The following KCNIP4 variants were observed in gnomAD, a reference collection of about 807,000 sequenced individuals.
KCNIP4 encodes the protein potassium voltage-gated channel interacting protein 4.
KCNIP4 carries 12 observed loss-of-function variants against 34.0 expected under a neutral mutation model. The observed-to-expected ratio is 0.35, with a 90% CI of 0.23 to 0.57. The LOEUF (loss-of-function observed/expected upper bound fraction) is 0.57. Among genes scored for constraint, KCNIP4 ranks in the 20% least tolerant of loss-of-function variants. The pLI is 0.83. For synonymous variants in KCNIP4, 124 were observed against 102.2 expected (o/e 1.21, Z -1.29); for missense variants, 238 against 311.7 (o/e 0.76, Z 1.78).
chr4:21,131,425 C>T (rs1284981712), intron 1 of KCNIP4, among the ~76,000 whole-genome samples: 2 of 152,020 alleles, frequency 1.3e-5, no homozygotes, highest in South Asian at 2.1e-4. Context: ...CTGGCTAACA[C>T]GGTGAAACCC....
chr4:21,329,948 T>C lies in KCNIP4; in HGVS notation c.62-447239A>G, dbSNP rs138130752. Among the ~76,000 whole-genome samples the C allele has an allele frequency of 6.5e-3, 985 of 152,280 alleles. 13 individuals carry two copies. Among genetic ancestry groups the C allele is most frequent in the African/African-American group, 0.023 (944 of 41,572 alleles). On this transcript the variant is annotated intron_variant, in intron 1 of 8. Transcript: ENST00000382152. ...AATTGAGATGAGCTCAAGGCCTCCT[T>C]AAGTAGAATCTTAACATGGCAACTA... is the stretch of plus-strand genomic sequence containing the variant.
intron 1 of KCNIP4, among the ~76,000 whole-genome samples, chr4:21,191,403 T>G (rs1214727824): frequency 2.6e-5 from 4 of 152,246 alleles, no homozygotes; most frequent in Admixed American, 2.6e-4. Context: ...TATAGTTTAA[T>G]GACGGAAGAT....
chr4:20,759,221 A>C (rs978657420), intron 3 of KCNIP4, among the ~76,000 whole-genome samples: 2 of 152,168 alleles, frequency 1.3e-5, no homozygotes, highest in Non-Finnish European at 2.9e-5. Context: ...AGCATGTTGC[A>C]AGATGTTTAT....
chr4:21,514,522 C>T (rs768395633), intron 1 of KCNIP4, among the ~76,000 whole-genome samples: 1 of 152,102 alleles, frequency 6.6e-6, no homozygotes, highest in East Asian at 1.9e-4. Context: ...CCAACAAAAA[C>T]AGCCCTAATG....
chr4:21,197,798 G>A (rs1227071718), intron 1 of KCNIP4, among the ~76,000 whole-genome samples: 2 of 151,990 alleles, frequency 1.3e-5, no homozygotes. Context: ...AATAATCTAT[G>A]TTTTTCTGAG....
intron 1 of KCNIP4, among the ~76,000 whole-genome samples, chr4:20,911,472 T>C (rs762692820): frequency 6.6e-6 from 1 of 152,196 alleles, no homozygotes; most frequent in Non-Finnish European, 1.5e-5. Flanking sequence ...TGAGATGGGT[T>C]AAATTAATTT....
At chr4:21,373,734 T>C in intron 1 of KCNIP4, among the ~76,000 whole-genome samples, 1 of 147,194 alleles carries the variant, frequency 6.8e-6, no homozygotes, top group Non-Finnish European at 1.5e-5. Context: ...TGATGGAGTT[T>C]CACTCTTGTT....
chr4:21,843,666 T>C (rs964951344), intron 1 of KCNIP4: 7 of 151,988 alleles, frequency 4.6e-5, no homozygotes, highest in African/African-American at 1.7e-4. Context: ...TCACACTCCA[T>C]TTTTCCAATC....
intron 1 of KCNIP4, among the ~76,000 whole-genome samples, chr4:21,468,519 G>A (rs1024315253): frequency 3.9e-5 from 6 of 152,136 alleles, no homozygotes; most frequent in Admixed American, 2.6e-4. Flanking sequence ...GTAAACGAGC[G>A]ATGATTTGTA....
intron 1 of KCNIP4, among the ~76,000 whole-genome samples, chr4:21,672,665 T>C (rs561741439): frequency 3.9e-5 from 6 of 152,360 alleles, no homozygotes; most frequent in East Asian, 1.9e-4. Flanking sequence ...CAGGTGACGA[T>C]TGGGATAACC....
At chr4:21,559,629 G>C (rs941140752) in intron 1 of KCNIP4, among the ~76,000 whole-genome samples, 1 of 152,102 alleles carries the variant, frequency 6.6e-6, no homozygotes, top group Non-Finnish European at 1.5e-5. Context: ...CCACTTCAGA[G>C]AAAAGGTGGT....
chr4:21,876,397 T>C (rs189981543), intron 1 of KCNIP4, among the ~76,000 whole-genome samples: 1 of 152,304 alleles, frequency 6.6e-6, no homozygotes, highest in African/African-American at 2.4e-5. Flanking sequence ...TTTATTCCTA[T>C]GTAAGTTCAC....
At chr4:21,886,428 T>G (rs1452073755) in intron 1 of KCNIP4, among the ~76,000 whole-genome samples, 3 of 152,118 alleles carry the variant, frequency 2.0e-5, no homozygotes, top group African/African-American at 7.2e-5. Context: ...TTTCTCTAAT[T>G]ATGTCAGAGA....
intron 1 of KCNIP4, among the ~76,000 whole-genome samples, chr4:21,117,002 T>C (rs1223700967): frequency 1.3e-5 from 2 of 152,334 alleles, no homozygotes; most frequent in East Asian, 3.9e-4. Flanking sequence ...ACCATCATCT[T>C]ACTATGTGTT....
intron 1 of KCNIP4, among the ~76,000 whole-genome samples, chr4:21,243,282 G>A (rs926863460): frequency 2.0e-5 from 3 of 152,110 alleles, no homozygotes. Flanking sequence ...CTTCAAAGTA[G>A]AAGCTGCTTC....
intron 3 of KCNIP4, among the ~76,000 whole-genome samples, chr4:20,780,778 C>A (rs1300577849): frequency 6.6e-6 from 1 of 152,222 alleles, no homozygotes; most frequent in Admixed American, 6.5e-5. Flanking sequence ...TCCTGATACA[C>A]TGTTGGAGCC....
At chr4:21,936,293 G>C (rs1052611295) in intron 1 of KCNIP4, among the ~76,000 whole-genome samples, 5 of 152,078 alleles carry the variant, frequency 3.3e-5, no homozygotes, top group Admixed American at 2.6e-4. Flanking sequence ...CACAAGATCT[G>C]ATGGTTTTAT....
intron 1 of KCNIP4, among the ~76,000 whole-genome samples, chr4:21,277,552 T>C (rs1762515061): frequency 6.6e-6 from 1 of 152,160 alleles, no homozygotes; most frequent in African/African-American, 2.4e-5. Flanking sequence ...TGTTAGCAGA[T>C]ATAAAAAGGA....
At chr4:21,937,266 C>T (rs544910424) in intron 1 of KCNIP4, among the ~76,000 whole-genome samples, 1 of 152,154 alleles carries the variant, frequency 6.6e-6, no homozygotes, top group East Asian at 1.9e-4. Flanking sequence ...CCCTCCAAAA[C>T]CTGTTCCTCC....
Sources: gnomAD v4.1 joint callset for allele counts (sites outside exome capture counted in the v4.1 genomes callset) on GRCh38, gnomAD v4.1.1 for gene constraint, MANE v1.5 for transcripts, NCBI Gene and HGNC (gene_info 2026-07-23, HGNC 2026-07-21) for gene names.